CTNNA2: variants seen among roughly 807,000 people sequenced by gnomAD.
CTNNA2 encodes catenin alpha 2, also known as catenin alpha-2.
Under a neutral mutation model 101.0 loss-of-function variants are expected in CTNNA2, and 42 were observed. That is an observed-to-expected ratio of 0.42 (90% CI 0.32 to 0.54). The LOEUF (loss-of-function observed/expected upper bound fraction) is 0.54. CTNNA2 is among the 20% of genes least tolerant of loss of function. The pLI is 0.14. For missense variants in CTNNA2, 871 were observed against 1,223.1 expected (o/e 0.71, Z 4.29); for synonymous variants, 450 against 456.4 (o/e 0.99, Z 0.18).
intron 3 of CTNNA2, among the ~76,000 whole-genome samples, chr2:79,827,207 T>C (rs1339485778): frequency 1.3e-5 from 2 of 151,932 alleles, no homozygotes; most frequent in African/African-American, 4.8e-5. Context: ...CCCAACTAAT[T>C]TTTTTATTTT....
intron 2 of CTNNA2, among the ~76,000 whole-genome samples, chr2:79,700,654 A>G (rs184293989): frequency 7.2e-5 from 11 of 152,300 alleles, no homozygotes; most frequent in Admixed American, 7.2e-4. Flanking sequence ...GACATATTCA[A>G]TGCAAAGCAC....
intron 7 of CTNNA2, among the ~76,000 whole-genome samples, chr2:80,185,677 C>T (rs932113003): frequency 6.6e-6 from 1 of 152,206 alleles, no homozygotes; most frequent in Admixed American, 6.5e-5. Context: ...TCGGTGAGTC[C>T]TTTTTGTTAA....
At chr2:79,628,401 C>T (rs142712906) in intron 1 of CTNNA2, among the ~76,000 whole-genome samples, 28 of 150,726 alleles carry the variant, frequency 1.9e-4, no homozygotes, top group African/African-American at 6.4e-4. Flanking sequence ...TGCAGTGAAC[C>T]GAGGTAGAGC....
At chr2:79,757,098 A>G (rs1573889496) in intron 3 of CTNNA2, among the ~76,000 whole-genome samples, 1 of 152,230 alleles carries the variant, frequency 6.6e-6, no homozygotes, top group Non-Finnish European at 1.5e-5. Context: ...ATCTATTTAT[A>G]TGGCATCACC....
chr2:79,326,403 CTGTT>C (rs1346657889), intron 3 of CTNNA2, among the ~76,000 whole-genome samples: 1 of 151,630 alleles, frequency 6.6e-6, no homozygotes, highest in Admixed American at 6.6e-5. Context: ...GCAGTCAAGA[CTGTT>C]TGGGCTTATT....
rs185966685 is a variant in CTNNA2 at position 79,887,774 on chromosome 2, A to G, written c.852+13432A>G. ...TATCAGTAACTGATGCTTAGTGGGA[A>G]CCAGAAATCCTCACCTGTTCATCGT... On this transcript the variant is annotated intron_variant, in intron 6 of 18. Transcript: ENST00000402739. Among the ~76,000 whole-genome samples the G allele has an allele frequency of 3.9e-3, 600 of 152,274 alleles. 2 individuals carry two copies. Among genetic ancestry groups the G allele is most frequent in the Non-Finnish European group, 6.8e-3 (465 of 68,012 alleles).
At chr2:79,406,537 AT>A (rs1381335270) in intron 4 of CTNNA2, among the ~76,000 whole-genome samples, 7 of 152,142 alleles carry the variant, frequency 4.6e-5, no homozygotes, top group Admixed American at 3.9e-4. Flanking sequence ...CCTCAAGGGC[AT>A]CCTACTGGTG....
chr2:79,225,265 T>C (rs13399913), intron 2 of CTNNA2, among the ~76,000 whole-genome samples: 4,811 of 152,260 alleles, frequency 0.032, 179 homozygotes, highest in East Asian at 0.16. Flanking sequence ...TATGTTCTAG[T>C]TTCAGTTGCT....
chr2:79,290,575 G>A (rs1675775046), intron 2 of CTNNA2, among the ~76,000 whole-genome samples: 1 of 152,090 alleles, frequency 6.6e-6, no homozygotes, highest in Admixed American at 6.5e-5. Context: ...ATCGTCGAGA[G>A]GAACACACCA....
At chr2:80,105,541 T>C (rs1276665410) in intron 7 of CTNNA2, among the ~76,000 whole-genome samples, 2 of 152,054 alleles carry the variant, frequency 1.3e-5, no homozygotes, top group Admixed American at 6.5e-5. Context: ...CTGGGCAACA[T>C]AGTGAGACCC....
At chr2:79,447,164 G>T (rs886537005) in intron 4 of CTNNA2, among the ~76,000 whole-genome samples, 1 of 151,884 alleles carries the variant, frequency 6.6e-6, no homozygotes, top group Non-Finnish European at 1.5e-5. Flanking sequence ...TCTAGCTACA[G>T]TACTTTAAGG....
chr2:79,302,170 G>T (rs1349460141), intron 2 of CTNNA2, among the ~76,000 whole-genome samples: 5 of 152,108 alleles, frequency 3.3e-5, no homozygotes, highest in Non-Finnish European at 1.5e-5. Context: ...GAGTTTATTT[G>T]AAAAGACTTA....
chr2:79,440,554 T>C (rs1456180565), intron 4 of CTNNA2, among the ~76,000 whole-genome samples: 1 of 152,152 alleles, frequency 6.6e-6, no homozygotes, highest in Admixed American at 6.5e-5. Context: ...GAGACTACAA[T>C]ACAAAGACCT....
intron 1 of CTNNA2, among the ~76,000 whole-genome samples, chr2:79,525,996 G>T (rs1422450997): frequency 6.6e-6 from 1 of 151,836 alleles, no homozygotes; most frequent in Non-Finnish European, 1.5e-5. Flanking sequence ...TAATTTTTTT[G>T]TTTGCTGTTT....
At chr2:79,747,063 A>G (rs921763953) in intron 3 of CTNNA2, among the ~76,000 whole-genome samples, 1 of 152,136 alleles carries the variant, frequency 6.6e-6, no homozygotes, top group South Asian at 2.1e-4. Flanking sequence ...CTCCTTCCAC[A>G]CTAACAAATA....
intron 1 of CTNNA2, among the ~76,000 whole-genome samples, chr2:79,528,020 A>G (rs1365771788): frequency 6.6e-6 from 1 of 152,212 alleles, no homozygotes; most frequent in Non-Finnish European, 1.5e-5. Context: ...AAACGTGGAT[A>G]TCCTTGAAGA....
chr2:79,226,560 C>T (rs894655647), intron 2 of CTNNA2, among the ~76,000 whole-genome samples: 1 of 152,036 alleles, frequency 6.6e-6, no homozygotes. Context: ...GCATAGCGGA[C>T]GTTGTGTTCA....
chr2:80,395,163 G>T (rs940331887), intron 8 of CTNNA2, among the ~76,000 whole-genome samples: 2 of 152,152 alleles, frequency 1.3e-5, no homozygotes, highest in African/African-American at 4.8e-5. Flanking sequence ...AAATTATGGT[G>T]GAATTTTAAA....
intron 6 of CTNNA2, among the ~76,000 whole-genome samples, chr2:79,876,989 ATAAG>A (rs1187783935): frequency 6.6e-6 from 1 of 151,834 alleles, no homozygotes; most frequent in African/African-American, 2.4e-5. Flanking sequence ...AATATGGTAA[ATAAG>A]TCACTAACTA....
Sources: gnomAD v4.1 joint callset for allele counts (sites outside exome capture counted in the v4.1 genomes callset) on GRCh38, gnomAD v4.1.1 for gene constraint, MANE v1.5 for transcripts, NCBI Gene and HGNC (gene_info 2026-07-23, HGNC 2026-07-21) for gene names.